The following NHSL1 variants were observed in gnomAD, a reference collection of about 807,000 sequenced individuals.
The protein encoded by NHSL1 is NHS like 1, also known as NHS-like protein 1.
In NHSL1, 48 loss-of-function variants were observed where a neutral mutation model predicts 95.0. The ratio of observed to expected loss-of-function variants is 0.51; its 90% CI spans 0.40 to 0.64. The LOEUF (loss-of-function observed/expected upper bound fraction) is 0.64, where lower values mean the gene tolerates loss of function less well. NHSL1 is among the 30% of genes least tolerant of loss of function. The pLI, the probability that NHSL1 is intolerant of heterozygous loss-of-function variation, is 0.00. For missense variants in NHSL1, 1,971 were observed against 2,077.7 expected, an observed-to-expected ratio of 0.95 and a Z score of 1.00; for synonymous variants, 783 against 833.9, an observed-to-expected ratio of 0.94 and a Z score of 1.05.
At chr6:138,464,996 A>T (rs995315391) in intron 3 of NHSL1, among the ~76,000 whole-genome samples, 12 of 150,276 alleles carry the variant, frequency 8.0e-5, no homozygotes, top group African/African-American at 2.7e-4. Context: ...TACAGGCATG[A>T]GCCACCTTGC....
intron 3 of NHSL1, among the ~76,000 whole-genome samples, chr6:138,449,269 T>C (rs1220414426): frequency 1.3e-5 from 2 of 152,192 alleles, no homozygotes; most frequent in African/African-American, 4.8e-5. Flanking sequence ...TTCCTAAACT[T>C]TGATGTTTCC....
chr6:138,513,232 G>A (rs953812832), intron 1 of NHSL1, among the ~76,000 whole-genome samples: 18 of 152,132 alleles, frequency 1.2e-4, no homozygotes, highest in Non-Finnish European at 2.9e-5. Flanking sequence ...AGAGCCTGGC[G>A]AACTTTAAAG....
rs566091989 is a variant in NHSL1, at chr6:138,668,727, G to A, written c.96+23749C>T. Among the ~76,000 whole-genome samples, 427 of 150,648 alleles carry A rather than the reference G, an allele frequency of 2.8e-3. 2 individuals carry two copies. The highest frequency in any genetic ancestry group is 9.4e-3 in the African/African-American group (384 of 41,064). ...GCAACCTCCGCCTCCCGGGTTAAGC[G>A]ATTCTCCTGCCTCAGTCTCCCGCGT... On this transcript the variant is annotated intron_variant, in intron 1 of 3. Transcript: ENST00000491526.
At chr6:138,542,047 T>C (rs1439376314) in intron 1 of NHSL1, among the ~76,000 whole-genome samples, 1 of 152,220 alleles carries the variant, frequency 6.6e-6, no homozygotes, top group African/African-American at 2.4e-5. Flanking sequence ...ATATGGTCTT[T>C]GCAGATGTAA....
intron 1 of NHSL1, among the ~76,000 whole-genome samples, chr6:138,601,685 A>C (rs1784372751): frequency 6.6e-6 from 1 of 152,108 alleles, no homozygotes; most frequent in Non-Finnish European, 1.5e-5. Context: ...AGTGGCACGC[A>C]CATGTAGTCC....
intron 1 of NHSL1, among the ~76,000 whole-genome samples, chr6:138,675,653 G>A (rs1479047988): frequency 2.0e-5 from 3 of 152,008 alleles, no homozygotes; most frequent in Non-Finnish European, 4.4e-5. Flanking sequence ...TCCTGCCTCA[G>A]CCCCCCAAAT....
chr6:138,564,409 T>A (rs912566792), intron 1 of NHSL1, among the ~76,000 whole-genome samples: 1 of 152,146 alleles, frequency 6.6e-6, no homozygotes, highest in Non-Finnish European at 1.5e-5. Flanking sequence ...GCCAAGCCTG[T>A]AATCCGAGCA....
Position 138,452,638 on chromosome 6 carries a change from A to T in NHSL1, c.340-5445T>A, listed in dbSNP as rs557371860. Reference sequence around the variant, plus strand: ...CATACATTCCAGTCCTTTTTGGAAGACACTTAGTCTTTGATGCTCTTCCTC... The same window carrying T: ...CATACATTCCAGTCCTTTTTGGAAGTCACTTAGTCTTTGATGCTCTTCCTC... On this transcript the variant is annotated intron_variant, in intron 3 of 7. Transcript: ENST00000343505. 3.3e-5 allele frequency among the ~76,000 whole-genome samples: 5 copies of T among 152,302 alleles called. No homozygotes were observed. The South Asian group carries it at 1.0e-3, about 32-fold the overall frequency.
At chr6:138,546,427 C>CAA (rs1177720465), upstream of NHSL1, among the ~76,000 whole-genome samples, 400 of 50,958 alleles carry the variant, frequency 7.8e-3, 21 homozygotes, top group African/African-American at 0.013. Flanking sequence ...CCCATCTCTA[C>CAA]AAAAAAAAAA....
At chr6:138,691,102 A>G (rs1413415412) in intron 1 of NHSL1, among the ~76,000 whole-genome samples, 2 of 152,248 alleles carry the variant, frequency 1.3e-5, no homozygotes, top group African/African-American at 2.4e-5. Flanking sequence ...TGATTGCCGC[A>G]TAGACCATGA....
At chr6:138,453,585 T>C (rs58868644) in intron 3 of NHSL1, among the ~76,000 whole-genome samples, 20,198 of 152,126 alleles carry the variant, frequency 0.13, 1,358 homozygotes, top group Middle Eastern at 0.17. Context: ...CTCACTCTGT[T>C]ACCCAGGCTA....
At chr6:138,473,249 A>G in intron 3 of NHSL1, 57 bp downstream of exon 3, 1 of 1,399,286 alleles carries the variant, frequency 7.1e-7, no homozygotes, top group Non-Finnish European at 9.4e-7. Context: ...GTCCACATAT[A>G]TCCTTTCTCT....
At chr6:138,632,883 A>C (rs1317779898) in intron 1 of NHSL1, among the ~76,000 whole-genome samples, 5 of 152,204 alleles carry the variant, frequency 3.3e-5, no homozygotes, top group Admixed American at 2.0e-4. Context: ...ACCAGGGACC[A>C]ATCCTGGAGA....
chr6:138,632,210 G>C (rs1290292951), intron 1 of NHSL1, among the ~76,000 whole-genome samples: 1 of 152,182 alleles, frequency 6.6e-6, no homozygotes, highest in Admixed American at 6.5e-5. Context: ...CAGTATATTA[G>C]AACACCAGGT....
intron 1 of NHSL1, among the ~76,000 whole-genome samples, chr6:138,677,858 T>C (rs182519847): frequency 1.1e-4 from 16 of 152,302 alleles, no homozygotes; most frequent in South Asian, 4.2e-4. Flanking sequence ...GGCCAAGATT[T>C]TGCATTTCTA....
chr6:138,583,481 T>C (rs943841907), intron 1 of NHSL1, among the ~76,000 whole-genome samples: 10 of 152,186 alleles, frequency 6.6e-5, no homozygotes, highest in African/African-American at 1.2e-4. Flanking sequence ...GAGGTACCCC[T>C]GCTATGTGTT....
At chr6:138,473,157 G>C in intron 3 of NHSL1, 149 bp downstream of exon 3, 1 of 592,168 alleles carries the variant, frequency 1.7e-6, no homozygotes, top group Non-Finnish European at 2.5e-6. Flanking sequence ...ACATAATTAT[G>C]GCGCATTTGT....
intron 1 of NHSL1, among the ~76,000 whole-genome samples, chr6:138,654,736 G>A (rs1366063504): frequency 6.6e-6 from 1 of 151,540 alleles, no homozygotes; most frequent in African/African-American, 2.4e-5. Context: ...AGCCTTGACT[G>A]AAAAACAAAA....
intron 1 of NHSL1, among the ~76,000 whole-genome samples, chr6:138,530,950 T>C (rs1782108627): frequency 6.6e-6 from 1 of 152,106 alleles, no homozygotes; most frequent in Admixed American, 6.6e-5. Flanking sequence ...CAATAGTTTT[T>C]GACTATTGAA....
Sources: gnomAD v4.1 joint callset for allele counts (sites outside exome capture counted in the v4.1 genomes callset) on GRCh38, gnomAD v4.1.1 for gene constraint, MANE v1.5 for transcripts, NCBI Gene and HGNC (gene_info 2026-07-23, HGNC 2026-07-21) for gene names.